Variants in UFD1 observed in about 807,000 individuals in gnomAD.
UFD1 encodes the protein ubiquitin recognition factor in ER-associated degradation protein 1.
A neutral mutation model predicts 45.9 loss-of-function variants in UFD1; 13 were observed. The observed-to-expected ratio is 0.28, with a 90% CI of 0.18 to 0.45. The LOEUF (loss-of-function observed/expected upper bound fraction) is 0.45, where lower values mean the gene tolerates loss of function less well. UFD1 is among the 20% of genes least tolerant of loss of function. UFD1 has a pLI of 1.00. For synonymous variants in UFD1, 128 were observed against 139.2 expected (o/e 0.92, Z 0.56); for missense variants, 218 against 389.2 (o/e 0.56, Z 3.70).
intron 1 of UFD1, 47 bp downstream of exon 1, chr22:19,479,036 G>T: frequency 6.3e-7 from 1 of 1,589,192 alleles, no homozygotes; most frequent in South Asian, 1.1e-5. Flanking sequence ...CCTACCTCAG[G>T]CCCCGGGCCA....
chr22:19,465,091 T>C (rs2089792651), intron 6 of UFD1, 111 bp downstream of exon 6: 2 of 989,938 alleles, frequency 2.0e-6, no homozygotes, highest in Non-Finnish European at 3.2e-6. Context: ...TAGGCAGTAA[T>C]TAGGTGATAA....
rs556474084 is a variant in UFD1 at position 19,458,106 on chromosome 22, C to A, written c.529G>T (p.Asp177Tyr). The change falls in exon 7 of 12, where the codon GAC becomes TAC. Residue 177 changes from aspartate (D) to tyrosine (Y), a missense_variant. Transcript: ENST00000263202. ...YELRVMETKPDKAVSIIECDM... is the reference protein window; with the variant it reads ...YELRVMETKPYKAVSIIECDM... Reference sequence around the variant, plus strand: ...CACTCAATGATGGACACTGCCTTGTCGGGTTTGGTCTCCATCACACGCAGT... The same window carrying A: ...CACTCAATGATGGACACTGCCTTGTAGGGTTTGGTCTCCATCACACGCAGT... 6.2e-7 allele frequency: 1 copy of A among 1,614,096 alleles called. No individual in the cohort carries two copies. Among genetic ancestry groups the A allele is most frequent in the South Asian group, 1.1e-5 (1 of 91,072 alleles).
intron 3 of UFD1, among the ~76,000 whole-genome samples, chr22:19,472,160 C>T (rs1001742547): frequency 1.3e-5 from 2 of 152,196 alleles, no homozygotes; most frequent in Non-Finnish European, 2.9e-5. Flanking sequence ...AAAACCACAA[C>T]CAGATGCTGC....
intron 2 of UFD1, 61 bp from the exon 3 acceptor site, chr22:19,475,161 A>C: frequency 1.3e-6 from 2 of 1,519,484 alleles, no homozygotes; most frequent in Non-Finnish European, 1.8e-6. Context: ...GACCAAAGGC[A>C]AGATGCAGTT....
chr22:19,456,938 A>G lies in UFD1; in HGVS notation c.565-20T>C. 1 of 1,528,124 alleles carries G rather than the reference A, an allele frequency of 6.5e-7. No individual in the cohort carries two copies. The highest frequency in any genetic ancestry group is 8.9e-7 in the Non-Finnish European group (1 of 1,119,964). 94.7% of individuals were successfully genotyped at this position (1,528,124 alleles called of 1,614,324 possible). Reference sequence around the variant, plus strand: ...GTCCACCTGTGTTTCCAGGATTTTAAAAGTAAAATATTGAGACATGACCAC... The same window carrying G: ...GTCCACCTGTGTTTCCAGGATTTTAGAAGTAAAATATTGAGACATGACCAC... On this transcript the variant is annotated intron_variant, in intron 7 of 11. Coordinates refer to ENST00000263202, the MANE Select transcript of UFD1 (RefSeq NM_005659.7).
chr22:19,459,814 C>T (rs1370408351), intron 6 of UFD1, among the ~76,000 whole-genome samples: 1 of 143,930 alleles, frequency 6.9e-6, no homozygotes, highest in East Asian at 2.2e-4. Context: ...TCTTGGCTCA[C>T]TGCAACCTCC....
intron 4 of UFD1, chr22:19,470,919 T>C: frequency 2.3e-6 from 1 of 440,530 alleles, no homozygotes; most frequent in Admixed American, 2.5e-5. Flanking sequence ...CACTGCGGGG[T>C]CTCTCAGTAT....
intron 1 of UFD1, among the ~76,000 whole-genome samples, chr22:19,478,458 T>C (rs907265670): frequency 2.0e-5 from 3 of 152,230 alleles, no homozygotes; most frequent in Non-Finnish European, 4.4e-5. Context: ...TTTTCTCATG[T>C]TTAAAATCAT....
At chr22:19,454,442 T>A in intron 11 of UFD1, 1 of 710,524 alleles carries the variant, frequency 1.4e-6, no homozygotes, top group Non-Finnish European at 1.9e-6. Context: ...TGATAGTGAA[T>A]AAGTCTCATG....
intron 1 of UFD1, among the ~76,000 whole-genome samples, chr22:19,478,190 C>A (rs1026215853): frequency 1.3e-5 from 2 of 152,062 alleles, no homozygotes; most frequent in Non-Finnish European, 2.9e-5. Context: ...CTCTCACTTT[C>A]CTTTTCAATC....
chr22:19,477,694 T>TA (rs35880706), intron 1 of UFD1, among the ~76,000 whole-genome samples: 78,511 of 151,386 alleles, frequency 0.52, 20,466 homozygotes, highest in South Asian at 0.6. Flanking sequence ...TAACCACAAC[T>TA]AAAAAAAAAT....
chr22:19,465,181 A>G, intron 6 of UFD1, 21 bp downstream of exon 6: 1 of 1,613,168 alleles, frequency 6.2e-7, no homozygotes, highest in Non-Finnish European at 8.5e-7. Context: ...GTCAGGAATG[A>G]CCTGCATGAA....
chr22:19,456,469 C>T, intron 9 of UFD1, 118 bp downstream of exon 9: 1 of 1,368,768 alleles, frequency 7.3e-7, no homozygotes, highest in Non-Finnish European at 1.0e-6. Flanking sequence ...TGCACAGGTA[C>T]CCAGAGGCCT....
chr22:19,476,569 T>TCCCACCC (rs2089882828), intron 1 of UFD1, among the ~76,000 whole-genome samples: 1 of 78,932 alleles, frequency 1.3e-5, no homozygotes, highest in Non-Finnish European at 2.4e-5. Context: ...ACAGTATTCC[T>TCCCACCC]CCCACCCCCC....
intron 4 of UFD1, among the ~76,000 whole-genome samples, chr22:19,468,372 A>T (rs1601897872): frequency 6.6e-6 from 1 of 152,250 alleles, no homozygotes; most frequent in East Asian, 1.9e-4. Flanking sequence ...GTAGGGCTGC[A>T]CCTGAGGTAG....
intron 4 of UFD1, chr22:19,471,344 C>T: frequency 1.8e-6 from 1 of 569,124 alleles, no homozygotes; most frequent in Non-Finnish European, 3.4e-6. Context: ...GCATAAAAAC[C>T]TCAAACACCC....
rs1363327453 is a variant in UFD1, at chr22:19,477,736, C to T, written c.3+1347G>A. ...TAGAGAAAATTTCTTGACTTGATTC[C>T]AAATATATATTTAGTAGAAGGAATG... On this transcript the variant is annotated intron_variant, in intron 1 of 11. Transcript: ENST00000263202. Among the ~76,000 whole-genome samples the T allele has an allele frequency of 1.6e-4, 25 of 151,974 alleles. 1 individual carries two copies. Among genetic ancestry groups the T allele is most frequent in the Admixed American group, 1.6e-3 (25 of 15,254 alleles).
rs567378842 is a variant in UFD1 at position 19,455,619 on chromosome 22, G to A, written c.767+61C>T. 20 of 1,545,422 alleles carry A rather than the reference G, an allele frequency of 1.3e-5. 1 individual carries two copies. Among genetic ancestry groups the A allele is most frequent in the South Asian group, 4.6e-5 (4 of 87,460 alleles). On this transcript the variant is annotated intron_variant, in intron 10 of 11. Coordinates refer to ENST00000263202, the MANE Select transcript of UFD1 (RefSeq NM_005659.7). ...CTCCAGAACTGGGGTGAGGCTGCCC[G>A]ACCCCAGCGGGCTGGCACAGATCCT...
chr22:19,455,709 G>A lies in UFD1; in HGVS notation c.738C>T (p.Pro246=), dbSNP rs757967892. The change falls in exon 10 of 12, where the codon CCC becomes CCT. Residue 246 remains proline, a synonymous_variant. Transcript: ENST00000263202. ...DGKKKGVEPS[P]SPIKPGDIKR... ...TAATATCTCCAGGCTTGATTGGGGA[G>A]GGGCTGGGCTCTACCCCTTTCTTCT... 3.1e-6 allele frequency: 5 copies of A among 1,614,110 alleles called. No individual in the cohort carries two copies. The highest frequency in any genetic ancestry group is 4.2e-6 in the Non-Finnish European group (5 of 1,179,966).
Sources: gnomAD v4.1 joint callset for allele counts (sites outside exome capture counted in the v4.1 genomes callset) on GRCh38, gnomAD v4.1.1 for gene constraint, MANE v1.5 for transcripts, NCBI Gene and HGNC (gene_info 2026-07-23, HGNC 2026-07-21) for gene names.